SLC4A4: variants seen among roughly 807,000 people sequenced by gnomAD.
SLC4A4 encodes the protein solute carrier family 4 member 4, also known as electrogenic sodium bicarbonate cotransporter 1.
SLC4A4 carries 27 observed loss-of-function variants against 111.5 expected under a neutral mutation model. That is an observed-to-expected ratio of 0.24 (90% CI 0.18 to 0.33). The LOEUF is 0.33. Among genes scored for constraint, SLC4A4 ranks in the 10% least tolerant of loss-of-function variants. SLC4A4 has a pLI of 1.00. For synonymous variants in SLC4A4, 443 were observed against 463.4 expected (o/e 0.96, Z 0.57); for missense variants, 909 against 1,315.5 (o/e 0.69, Z 4.78).
intron 14 of SLC4A4, among the ~76,000 whole-genome samples, chr4:71,486,322 C>G (rs13113309): frequency 0.82 from 124,677 of 151,334 alleles, 52,568 homozygotes; most frequent in Non-Finnish European, 0.91. Context: ...CCAAGAGGAA[C>G]GTTGGTTTAA....
chr4:71,529,678 A>C lies in SLC4A4; in HGVS notation c.2167-2384A>C, dbSNP rs555807472. ...TGTCCTATGGGAATTTCTACCAAAGAATTGCAGATTGAATTTATTTGCTCC... is the reference window on the plus strand; with the variant it reads ...TGTCCTATGGGAATTTCTACCAAAGCATTGCAGATTGAATTTATTTGCTCC... On this transcript the variant is annotated intron_variant, in intron 16 of 25. Coordinates refer to ENST00000264485, the MANE Select transcript of SLC4A4 (RefSeq NM_001098484.3). 1.2e-4 allele frequency among the ~76,000 whole-genome samples: 18 copies of C among 152,220 alleles called. No homozygotes were observed. The South Asian group carries it at 3.7e-3, about 32-fold the overall frequency.
intron 5 of SLC4A4, among the ~76,000 whole-genome samples, chr4:71,352,497 A>G (rs1729932040): frequency 6.6e-6 from 1 of 152,204 alleles, no homozygotes; most frequent in East Asian, 1.9e-4. Context: ...TCATATATTA[A>G]TTCCCGTGAG....
chr4:71,353,709 C>A (rs990016705), intron 5 of SLC4A4, among the ~76,000 whole-genome samples: 2 of 152,104 alleles, frequency 1.3e-5, no homozygotes, highest in African/African-American at 4.8e-5. Flanking sequence ...TAAGATGCAT[C>A]TCCCCCCGCA....
chr4:71,535,298 A>G (rs1200426954), intron 18 of SLC4A4, among the ~76,000 whole-genome samples: 2 of 152,202 alleles, frequency 1.3e-5, no homozygotes, highest in Non-Finnish European at 1.5e-5. Context: ...TTCAGGAAAT[A>G]TAAAGAATTG....
chr4:71,228,168 A>G (rs907499122), intron 1 of SLC4A4, among the ~76,000 whole-genome samples: 1 of 152,172 alleles, frequency 6.6e-6, no homozygotes, highest in Admixed American at 6.5e-5. Flanking sequence ...TTCTCACCCC[A>G]GAGTCTCCAT....
chr4:71,303,746 C>T (rs918004744), intron 3 of SLC4A4, among the ~76,000 whole-genome samples: 2 of 151,720 alleles, frequency 1.3e-5, no homozygotes, highest in African/African-American at 4.8e-5. Context: ...TCGTCTTCTT[C>T]TTTTACTTCC....
chr4:71,296,140 C>G (rs372552391), intron 3 of SLC4A4, among the ~76,000 whole-genome samples: 9 of 151,404 alleles, frequency 5.9e-5, no homozygotes, highest in African/African-American at 2.2e-4. Context: ...CTTTTTATAC[C>G]TTATACAAAT....
intron 2 of SLC4A4, among the ~76,000 whole-genome samples, chr4:71,178,432 A>T (rs1359890403): frequency 6.6e-6 from 1 of 152,104 alleles, no homozygotes; most frequent in African/African-American, 2.4e-5. Context: ...TTTTTTGAAA[A>T]GATCAACAAA....
chr4:71,425,006 G>T (rs558394074), intron 7 of SLC4A4, among the ~76,000 whole-genome samples: 8 of 151,660 alleles, frequency 5.3e-5, no homozygotes, highest in Non-Finnish European at 1.2e-4. Flanking sequence ...TAAAAAAAAA[G>T]AATAAAAGGT....
At chr4:71,100,430 T>C (rs1431777767) in intron 2 of SLC4A4, among the ~76,000 whole-genome samples, 1 of 151,714 alleles carries the variant, frequency 6.6e-6, no homozygotes, top group Non-Finnish European at 1.5e-5. Context: ...ATAAACTAGG[T>C]ATTAAAGGAA....
intron 8 of SLC4A4, among the ~76,000 whole-genome samples, chr4:71,444,776 C>T (rs1433093236): frequency 6.6e-6 from 1 of 152,182 alleles, no homozygotes; most frequent in East Asian, 1.9e-4. Flanking sequence ...GATTTCTCAT[C>T]CCATTTCAAT....
chr4:71,069,901 T>C (rs1258811830), intron 1 of SLC4A4, among the ~76,000 whole-genome samples: 2 of 152,088 alleles, frequency 1.3e-5, no homozygotes, highest in Non-Finnish European at 2.9e-5. Flanking sequence ...TTTTTTAGAG[T>C]TGATATTATG....
At chr4:71,116,133 G>A (rs555802498) in intron 2 of SLC4A4, among the ~76,000 whole-genome samples, 8 of 152,270 alleles carry the variant, frequency 5.3e-5, no homozygotes, top group South Asian at 2.1e-4. Flanking sequence ...GACCTCACGT[G>A]GTCCACTGCC....
intron 6 of SLC4A4, among the ~76,000 whole-genome samples, chr4:71,376,156 T>TATATACACACACACACACACAC (rs1553900734): frequency 4.3e-4 from 58 of 135,548 alleles, no homozygotes; most frequent in South Asian, 3.7e-3. Flanking sequence ...CCTGTATATA[T>TATATACACACACACACACACAC]ACACACACAC....
intron 8 of SLC4A4, among the ~76,000 whole-genome samples, chr4:71,446,012 AC>A (rs1415302072): frequency 1.3e-5 from 2 of 152,166 alleles, no homozygotes; most frequent in African/African-American, 4.8e-5. Context: ...TACTTTGGTA[AC>A]ACTTGAAAGT....
At chr4:71,385,091 T>C (rs1262341427) in intron 6 of SLC4A4, among the ~76,000 whole-genome samples, 2 of 149,540 alleles carry the variant, frequency 1.3e-5, no homozygotes, top group Non-Finnish European at 3.0e-5. Context: ...CCCTACTCTT[T>C]GCTGCCCCTC....
chr4:71,516,746 G>C (rs576760601), intron 16 of SLC4A4, among the ~76,000 whole-genome samples: 1 of 152,266 alleles, frequency 6.6e-6, no homozygotes, highest in Admixed American at 6.5e-5. Flanking sequence ...TTCCTTATCT[G>C]TGCCTCAGGT....
chr4:71,098,974 C>T (rs546076043), intron 2 of SLC4A4, among the ~76,000 whole-genome samples: 5 of 152,052 alleles, frequency 3.3e-5, no homozygotes, highest in Non-Finnish European at 7.4e-5. Context: ...TCTTGGAGAC[C>T]TACAAAGAAA....
At chr4:71,150,021 A>G (rs1744272938) in intron 2 of SLC4A4, among the ~76,000 whole-genome samples, 1 of 152,118 alleles carries the variant, frequency 6.6e-6, no homozygotes, top group African/African-American at 2.4e-5. Flanking sequence ...TAGGTTTTTT[A>G]TATACATGTG....
Sources: gnomAD v4.1 joint callset for allele counts (sites outside exome capture counted in the v4.1 genomes callset) on GRCh38, gnomAD v4.1.1 for gene constraint, MANE v1.5 for transcripts, NCBI Gene and HGNC (gene_info 2026-07-23, HGNC 2026-07-21) for gene names.